Variants in CCDC14 observed in about 807,000 individuals in gnomAD.
CCDC14 encodes coiled-coil domain containing 14, also known as coiled-coil domain-containing protein 14.
CCDC14 carries 71 observed loss-of-function variants against 81.4 expected under a neutral mutation model. The observed-to-expected ratio is 0.87, with a 90% confidence interval of 0.72 to 1.06. The LOEUF (loss-of-function observed/expected upper bound fraction) is 1.06. Among genes scored for constraint, CCDC14 ranks in the 50% least tolerant of loss-of-function variants. The pLI is 0.00. For synonymous variants in CCDC14, 332 were observed against 364.8 expected (o/e 0.91, Z 1.03); for missense variants, 1,046 against 1,047.3 (o/e 1.00, Z 0.02).
At chr3:123,927,218 C>T (rs1017258616) in intron 12 of CCDC14, among the ~76,000 whole-genome samples, 5 of 140,766 alleles carry the variant, frequency 3.6e-5, no homozygotes, top group Admixed American at 2.2e-4. Context: ...CCAGCTGGGG[C>T]AACATGGCGA....
chr3:123,896,236 C>T (rs113752836), downstream of CCDC14, among the ~76,000 whole-genome samples: 745 of 152,268 alleles, frequency 4.9e-3, 7 homozygotes, highest in African/African-American at 0.017. Context: ...GACTAGCACG[C>T]TAAGTCCCCT....
At chr3:123,935,682 G>C (rs2036020210) in intron 9 of CCDC14, among the ~76,000 whole-genome samples, 1 of 152,142 alleles carries the variant, frequency 6.6e-6, no homozygotes, top group Non-Finnish European at 1.5e-5. Flanking sequence ...GCTTATTTTT[G>C]TTTTAATAAA....
chr3:123,925,132 TAAAA>T (rs139948399), intron 12 of CCDC14, among the ~76,000 whole-genome samples: 1 of 145,222 alleles, frequency 6.9e-6, no homozygotes, highest in Non-Finnish European at 1.5e-5. Context: ...TACTCAGCCT[TAAAA>T]AAAAAACAAA....
chr3:123,911,905 C>T (rs1214145944), downstream of CCDC14, among the ~76,000 whole-genome samples: 1 of 152,102 alleles, frequency 6.6e-6, no homozygotes, highest in Non-Finnish European at 1.5e-5. Context: ...TAAAATGCCA[C>T]CATCAGTGAA....
At chr3:123,893,931 A>G (rs1357380087), downstream of CCDC14, among the ~76,000 whole-genome samples, 3 of 152,116 alleles carry the variant, frequency 2.0e-5, no homozygotes, top group Middle Eastern at 3.2e-3. Flanking sequence ...TTCTTTACAT[A>G]TTCTGACTAT....
intron 1 of CCDC14, chr3:123,958,343 A>C (rs2037467341): frequency 1.3e-5 from 2 of 152,156 alleles, no homozygotes; most frequent in African/African-American, 4.8e-5. Context: ...GTAAGATTAC[A>C]TATGGTGTTT....
intron 5 of CCDC14, among the ~76,000 whole-genome samples, chr3:123,904,457 A>G (rs1286593829): frequency 6.6e-6 from 1 of 152,132 alleles, no homozygotes; most frequent in Non-Finnish European, 1.5e-5. Context: ...AGCAAGCATG[A>G]TATGATCCTA....
rs376665925 is a variant in CCDC14 at position 123,915,139 on chromosome 3, T to G, written c.2358A>C (p.Ser786=). ...CAGGTGCATCTTCTGCTTCCTTTGT[T>G]GAAGAGGAACAGATTACAGGTGTAC... ...KLCTPVICSS[S]TKEAEDAPEK... The change falls in exon 13 of 13, where the codon TCA becomes TCC. Residue 786 remains serine (S), a synonymous_variant. Transcript: ENST00000409697. The G allele has an allele frequency of 4.3e-6, 7 of 1,613,784 alleles. No individual in the cohort carries two copies. In the African/African-American group the frequency reaches 6.7e-5, roughly 15 times the overall value.
chr3:123,915,248 G>A lies in CCDC14; in HGVS notation c.2249C>T (p.Ser750Phe), dbSNP rs2034593693. 1.9e-6 allele frequency: 3 copies of A among 1,613,884 alleles called. No homozygotes were observed. The highest frequency in any genetic ancestry group is 2.5e-6 in the Non-Finnish European group (3 of 1,179,872). ...EKKSPLSKRL[S>F]PQPQIRAATT... ...AGCTGCTCTTATTTGTGGCTGAGGG[G>A]ATAGTCTCTTAGAAAGTGGTGATTT... The change falls in exon 13 of 13, where the codon TCC (serine) becomes TTC (phenylalanine). Residue 750 changes from serine to phenylalanine, a missense_variant. Coordinates refer to ENST00000409697, the MANE Select transcript of CCDC14 (RefSeq NM_001366335.1).
Position 123,948,936 on chromosome 3 carries a change from A to T in CCDC14, c.549T>A (p.Asn183Lys), listed in dbSNP as rs781667341. Reference protein sequence around the residue: ...MNDLTSKNIPNGIPAVPCHAP... With the variant: ...MNDLTSKNIPKGIPAVPCHAP... ...CATGGCATGGTACAGCAGGAATTCC[A>T]TTAGGGATGTTCTTTGAAGTCAAGT... Residue 183 changes from asparagine to lysine, a missense_variant, in exon 6 of 13, where the codon AAT becomes AAA. Physicochemically the swap from Asn to Lys is moderately conservative, Grantham distance 94 (BLOSUM62 0). Transcript: ENST00000409697. 2.5e-6 allele frequency: 4 copies of T among 1,613,990 alleles called. No homozygotes were observed. In the South Asian group the frequency reaches 4.4e-5, roughly 18 times the overall value.
chr3:123,910,220 G>T (rs1037567502), downstream of CCDC14, among the ~76,000 whole-genome samples: 1 of 152,138 alleles, frequency 6.6e-6, no homozygotes, highest in African/African-American at 2.4e-5. Flanking sequence ...ATATTATTGG[G>T]AAACTAACTA....
intron 2 of CCDC14, 140 bp downstream of exon 2, chr3:123,956,600 G>C (rs2037340315): frequency 1.3e-6 from 1 of 751,320 alleles, no homozygotes; most frequent in Admixed American, 2.9e-5. Flanking sequence ...GATTAACATG[G>C]GTAGACATGA....
At chr3:123,893,972 T>C (rs1035459761), downstream of CCDC14, among the ~76,000 whole-genome samples, 2 of 152,194 alleles carry the variant, frequency 1.3e-5, no homozygotes, top group Admixed American at 6.5e-5. Context: ...GATTAGCAAA[T>C]ATTTTCTCTC....
At chr3:123,936,824 G>A (rs761546491) in intron 9 of CCDC14, among the ~76,000 whole-genome samples, 43 of 151,886 alleles carry the variant, frequency 2.8e-4, no homozygotes, top group Admixed American at 1.5e-3. Context: ...AAACCTTCAC[G>A]TGTACCCTCA....
intron 5 of CCDC14, among the ~76,000 whole-genome samples, chr3:123,950,990 G>A (rs1209877240): frequency 1.3e-5 from 2 of 152,056 alleles, no homozygotes. Context: ...CTACGAAAAT[G>A]GCTGAAGATA....
chr3:123,892,652 A>G (rs549446120), downstream of CCDC14, among the ~76,000 whole-genome samples: 2 of 152,222 alleles, frequency 1.3e-5, no homozygotes, highest in South Asian at 4.1e-4. Context: ...ATCCACCCCC[A>G]TGATCCAATC....
chr3:123,892,604 CA>C (rs1274494314), downstream of CCDC14, among the ~76,000 whole-genome samples: 1 of 152,076 alleles, frequency 6.6e-6, no homozygotes, highest in Non-Finnish European at 1.5e-5. Context: ...GGTCAGGCTG[CA>C]AATTTTCTAA....
chr3:123,922,741 C>T lies in CCDC14; in HGVS notation c.1779-7023G>A, dbSNP rs1190550885. Among the ~76,000 whole-genome samples the T allele has an allele frequency of 2.0e-5, 3 of 151,994 alleles. No homozygotes were observed. In the East Asian group the frequency reaches 5.8e-4, roughly 29 times the overall value. On this transcript the variant is annotated intron_variant, in intron 12 of 12. Coordinates refer to ENST00000409697, the MANE Select transcript of CCDC14 (RefSeq NM_001366335.1). ...TAAAGTCTCCCACCAAAGAAAAGCC[C>T]AGGACAAGACAGCTTTATAGCTGAA... is the stretch of plus-strand genomic sequence containing the variant.
At chr3:123,938,647 CTATCA>C (rs1167314671) in intron 9 of CCDC14, among the ~76,000 whole-genome samples, 3 of 151,804 alleles carry the variant, frequency 2.0e-5, no homozygotes, top group Admixed American at 1.3e-4. Flanking sequence ...ACAGAAATAA[CTATCA>C]TTATTTGCTG....
Sources: allele counts gnomAD v4.1 joint callset (sites outside exome capture counted in the v4.1 genomes callset), GRCh38; gene constraint gnomAD v4.1.1; transcripts MANE v1.5; gene names NCBI Gene and HGNC (gene_info 2026-07-23, HGNC 2026-07-21).